The following PPP2R2B variants were observed in gnomAD, a reference collection of about 807,000 sequenced individuals.
The protein encoded by PPP2R2B is protein phosphatase 2 regulatory subunit Bbeta.
In PPP2R2B, 5 loss-of-function variants were observed where a neutral mutation model predicts 46.0. The ratio of observed to expected loss-of-function variants is 0.11; its 90% CI spans 0.06 to 0.23. The LOEUF (loss-of-function observed/expected upper bound fraction) is 0.23. Ranked by LOEUF, PPP2R2B falls within the 10% of genes least tolerant of loss-of-function variation. PPP2R2B has a pLI of 1.00. For missense variants in PPP2R2B, 367 were observed against 575.0 expected (o/e 0.64, Z 3.70); for synonymous variants, 215 against 206.7 (o/e 1.04, Z -0.34).
At chr5:146,898,288 G>C (rs1192445189) in intron 1 of PPP2R2B, among the ~76,000 whole-genome samples, 6 of 152,208 alleles carry the variant, frequency 3.9e-5, no homozygotes, top group Non-Finnish European at 8.8e-5. Context: ...TCTCTGTTTT[G>C]GTACCAGTAC....
chr5:146,999,690 G>A (rs1449244223), intron 1 of PPP2R2B, among the ~76,000 whole-genome samples: 5 of 152,150 alleles, frequency 3.3e-5, no homozygotes, highest in Non-Finnish European at 7.3e-5. Context: ...AGGAAATCCT[G>A]GTAAATATGG....
exon 1 of PPP2R2B, chr5:147,055,948 T>C: frequency 4.3e-6 from 6 of 1,401,744 alleles, no homozygotes; most frequent in Non-Finnish European, 4.6e-6. Flanking sequence ...CATTTCTGCA[T>C]GCAGCTCAAA....
chr5:146,938,751 CTTTTTTTTT>C (rs33961672), intron 1 of PPP2R2B, among the ~76,000 whole-genome samples: 3 of 65,926 alleles, frequency 4.6e-5, no homozygotes, highest in Non-Finnish European at 8.0e-5. Flanking sequence ...AGATAATAGC[CTTTTTTTTT>C]TTTTTTTTTT....
At chr5:146,673,483 A>ATTT (rs10707394) in intron 5 of PPP2R2B, among the ~76,000 whole-genome samples, 4 of 151,628 alleles carry the variant, frequency 2.6e-5, no homozygotes, top group African/African-American at 7.3e-5. Flanking sequence ...TATTTAGAAG[A>ATTT]TTTTTTTTTT....
chr5:146,676,451 G>A (rs1270990234), intron 5 of PPP2R2B, among the ~76,000 whole-genome samples: 1 of 152,084 alleles, frequency 6.6e-6, no homozygotes, highest in African/African-American at 2.4e-5. Flanking sequence ...GTGTTTTTCT[G>A]TGCTACCTCC....
chr5:146,827,075 A>C (rs1758626106), intron 2 of PPP2R2B, among the ~76,000 whole-genome samples: 1 of 152,134 alleles, frequency 6.6e-6, no homozygotes, highest in Non-Finnish European at 1.5e-5. Context: ...CCCCATTTTA[A>C]GTCCACAAAG....
chr5:146,730,529 A>G (rs994763663), intron 2 of PPP2R2B, among the ~76,000 whole-genome samples: 1 of 152,160 alleles, frequency 6.6e-6, no homozygotes, highest in African/African-American at 2.4e-5. Context: ...CCTGAATTGT[A>G]TCTCCCAGAA....
chr5:146,974,022 T>G (rs1194190216), intron 1 of PPP2R2B, among the ~76,000 whole-genome samples: 2 of 152,202 alleles, frequency 1.3e-5, no homozygotes, highest in Non-Finnish European at 2.9e-5. Context: ...TTTTAAGGTT[T>G]TCCGTGTTAT....
intron 6 of PPP2R2B, among the ~76,000 whole-genome samples, chr5:146,639,186 T>C (rs930980668): frequency 1.3e-5 from 2 of 152,192 alleles, no homozygotes; most frequent in African/African-American, 2.4e-5. Flanking sequence ...ATTTCTCTCA[T>C]GTATGATATA....
chr5:146,789,105 A>G (rs775631442), intron 2 of PPP2R2B, among the ~76,000 whole-genome samples: 18 of 152,214 alleles, frequency 1.2e-4, no homozygotes, highest in Non-Finnish European at 1.9e-4. Context: ...AAAGGTGGCC[A>G]CTGTTGAGAT....
chr5:146,603,937 C>A (rs1012303056), intron 7 of PPP2R2B, among the ~76,000 whole-genome samples: 20 of 152,150 alleles, frequency 1.3e-4, no homozygotes, highest in African/African-American at 4.8e-4. Flanking sequence ...GAAGACCTTG[C>A]TGAGCATTCA....
At chr5:146,891,094 C>T (rs1762479449) in intron 1 of PPP2R2B, among the ~76,000 whole-genome samples, 1 of 152,192 alleles carries the variant, frequency 6.6e-6, no homozygotes, top group Non-Finnish European at 1.5e-5. Flanking sequence ...GTCACAGATA[C>T]AGCACTTAAC....
At chr5:147,058,449 T>C (rs575426142), upstream of PPP2R2B, among the ~76,000 whole-genome samples, 1 of 152,246 alleles carries the variant, frequency 6.6e-6, no homozygotes, top group South Asian at 2.1e-4. Flanking sequence ...AAATACTCAC[T>C]GAGGATGCTG....
At chr5:146,621,735 C>G (rs1458450174) in intron 7 of PPP2R2B, among the ~76,000 whole-genome samples, 1 of 152,236 alleles carries the variant, frequency 6.6e-6, no homozygotes, top group Non-Finnish European at 1.5e-5. Flanking sequence ...TTCCCTTCCA[C>G]AGTCACTCTA....
At position 146,581,004 on chromosome 5, in the gene PPP2R2B, G is replaced by T. The variant is rs886205009; in HGVS notation, c.*8943C>A. On this transcript the variant is annotated 3_prime_UTR_variant, in exon 10 of 10. Transcript: ENST00000394411. ...TTGTTCCATGATGGATACTTTCTCG[G>T]TTTCTATGATATTTGTCTGATCTTC... The T allele has an allele frequency of 6.6e-6, 1 of 152,016 alleles. No homozygotes were observed. The highest frequency in any genetic ancestry group is 6.6e-5 in the Admixed American group (1 of 15,256). 9.4% of individuals were successfully genotyped at this position (152,016 alleles called of 1,614,324 possible).
chr5:146,931,600 C>T (rs543868318), intron 1 of PPP2R2B, among the ~76,000 whole-genome samples: 5 of 152,114 alleles, frequency 3.3e-5, no homozygotes, highest in East Asian at 1.9e-4. Flanking sequence ...CAACTCTAGT[C>T]GAGGGTAAAC....
intron 5 of PPP2R2B, among the ~76,000 whole-genome samples, chr5:146,659,583 G>A (rs756291598): frequency 1.3e-5 from 2 of 152,298 alleles, no homozygotes; most frequent in Admixed American, 6.5e-5. Context: ...ACCATCTAAC[G>A]AAGAAACATT....
chr5:146,755,878 A>G (rs980986964), intron 2 of PPP2R2B, among the ~76,000 whole-genome samples: 3 of 152,212 alleles, frequency 2.0e-5, no homozygotes, highest in Non-Finnish European at 4.4e-5. Flanking sequence ...ACCAAAGCTT[A>G]TGCATTTTCA....
At chr5:146,766,762 C>T (rs979215934) in intron 2 of PPP2R2B, among the ~76,000 whole-genome samples, 1 of 152,038 alleles carries the variant, frequency 6.6e-6, no homozygotes, top group Non-Finnish European at 1.5e-5. Flanking sequence ...CATAAAAAAG[C>T]TTGGCAGAAG....
Sources: allele counts gnomAD v4.1 joint callset (sites outside exome capture counted in the v4.1 genomes callset), GRCh38; gene constraint gnomAD v4.1.1; transcripts MANE v1.5; gene names NCBI Gene and HGNC (gene_info 2026-07-23, HGNC 2026-07-21).